RBMS3: variants seen among roughly 807,000 people sequenced by gnomAD.
RBMS3 encodes RNA binding motif single stranded interacting protein 3, also known as RNA-binding motif, single-stranded-interacting protein 3.
In RBMS3, 27 loss-of-function variants were observed where a neutral mutation model predicts 66.8. That is an observed-to-expected ratio of 0.40 (90% CI 0.30 to 0.56). RBMS3 has a LOEUF of 0.56. RBMS3 is among the 20% of genes least tolerant of loss of function. RBMS3 has a pLI of 0.40. For missense variants in RBMS3, 513 were observed against 549.5 expected (o/e 0.93, Z 0.66); for synonymous variants, 188 against 183.0 (o/e 1.03, Z -0.22).
At chr3:29,635,339 C>T (rs891106562) in intron 4 of RBMS3, among the ~76,000 whole-genome samples, 1 of 151,896 alleles carries the variant, frequency 6.6e-6, no homozygotes, top group African/African-American at 2.4e-5. Context: ...CCTTCCCCAT[C>T]TCAGTTGATG....
intron 14 of RBMS3, among the ~76,000 whole-genome samples, chr3:30,000,163 T>A (rs1699521001): frequency 6.6e-6 from 1 of 151,838 alleles, no homozygotes; most frequent in African/African-American, 2.4e-5. Flanking sequence ...AGGTCTAATA[T>A]CCAGAATCTA....
chr3:29,822,604 G>A (rs1418825801), intron 6 of RBMS3, among the ~76,000 whole-genome samples: 3 of 152,108 alleles, frequency 2.0e-5, no homozygotes, highest in Non-Finnish European at 2.9e-5. Flanking sequence ...ATATTTCAAT[G>A]TATCCAATGA....
intron 12 of RBMS3, among the ~76,000 whole-genome samples, chr3:29,952,120 A>G (rs1206333540): frequency 2.0e-5 from 3 of 151,860 alleles, no homozygotes; most frequent in Non-Finnish European, 4.4e-5. Flanking sequence ...GATGATGATA[A>G]TGAGTGTGGT....
Position 29,508,128 on chromosome 3 carries a change from G to A in RBMS3, c.307+19629G>A, listed in dbSNP as rs555248219. On this transcript the variant is annotated intron_variant, in intron 3 of 14. Coordinates refer to ENST00000383767, the MANE Select transcript of RBMS3 (RefSeq NM_001003793.3). ...ATAATATAAGGCCTCTCGTCATCTG[G>A]CTTGTTCTCTCCTCTCTAACACCAG... Among the ~76,000 whole-genome samples, 4 of 152,120 alleles carry A rather than the reference G, an allele frequency of 2.6e-5. No homozygotes were observed. In the East Asian group the frequency reaches 7.7e-4, roughly 29 times the overall value.
At chr3:29,632,720 C>T (rs952403994) in intron 4 of RBMS3, among the ~76,000 whole-genome samples, 1 of 151,748 alleles carries the variant, frequency 6.6e-6, no homozygotes, top group Non-Finnish European at 1.5e-5. Flanking sequence ...AAGGTAACTT[C>T]TTTGAACGAG....
At chr3:29,685,122 G>C (rs796099356) in intron 4 of RBMS3, among the ~76,000 whole-genome samples, 1 of 151,996 alleles carries the variant, frequency 6.6e-6, no homozygotes, top group African/African-American at 2.4e-5. Context: ...GCAGTGGCGC[G>C]ATCTCGGCTC....
chr3:29,802,420 A>C (rs2057419121), intron 6 of RBMS3, among the ~76,000 whole-genome samples: 1 of 152,192 alleles, frequency 6.6e-6, no homozygotes, highest in Non-Finnish European at 1.5e-5. Context: ...ACATAACCCC[A>C]GTTCTCACAG....
intron 6 of RBMS3, among the ~76,000 whole-genome samples, chr3:29,794,217 T>G (rs2149431903): frequency 6.6e-6 from 1 of 152,280 alleles, no homozygotes; most frequent in South Asian, 2.1e-4. Context: ...GACCCTGAGA[T>G]TTTGCTGATG....
intron 12 of RBMS3, among the ~76,000 whole-genome samples, chr3:29,959,768 A>G (rs1696296685): frequency 6.6e-6 from 1 of 152,102 alleles, no homozygotes; most frequent in Non-Finnish European, 1.5e-5. Flanking sequence ...AGCAGCAAGG[A>G]GAAGTGCCAA....
chr3:29,980,051 A>C (rs565999916), intron 12 of RBMS3, among the ~76,000 whole-genome samples: 75 of 152,318 alleles, frequency 4.9e-4, no homozygotes, highest in Admixed American at 3.3e-4. Context: ...CACTTCCATC[A>C]ACAGTGTAAA....
chr3:29,992,451 G>T (rs937210131), intron 14 of RBMS3, among the ~76,000 whole-genome samples: 1 of 152,134 alleles, frequency 6.6e-6, no homozygotes, highest in African/African-American at 2.4e-5. Context: ...GCTGGGCATG[G>T]TGGCGGGTGC....
At chr3:29,887,983 G>A (rs1167957019) in intron 8 of RBMS3, among the ~76,000 whole-genome samples, 1 of 151,792 alleles carries the variant, frequency 6.6e-6, no homozygotes, top group East Asian at 1.9e-4. Context: ...AGTGAGGACA[G>A]CCTAGAACAC....
chr3:29,992,492 G>T (rs9790009), intron 14 of RBMS3, among the ~76,000 whole-genome samples: 44,927 of 151,950 alleles, frequency 0.3, 7,368 homozygotes, highest in African/African-American at 0.42. Context: ...GGGTCGGGGT[G>T]GGGGGCTGAG....
chr3:29,646,536 G>A (rs181672490), intron 4 of RBMS3, among the ~76,000 whole-genome samples: 113 of 152,068 alleles, frequency 7.4e-4, no homozygotes, highest in Middle Eastern at 3.4e-3. Context: ...TTTCACTACC[G>A]TTAATATGTT....
In RBMS3 at chr3:29,881,779, G is replaced by T. The variant is rs115799019; in HGVS notation, c.745-2383G>T. On this transcript the variant is annotated intron_variant, in intron 7 of 14. Transcript: ENST00000383767. ...AAATGCAAGAAAAAATTCTTAAGTG[G>T]CCAGAACAAACAAGCATGGCATAAA... is the stretch of plus-strand genomic sequence containing the variant. Among the ~76,000 whole-genome samples, 806 of 152,188 alleles carry T rather than the reference G, an allele frequency of 5.3e-3. 3 individuals carry two copies. The highest frequency in any genetic ancestry group is 0.018 in the African/African-American group (764 of 41,528).
intron 3 of RBMS3, among the ~76,000 whole-genome samples, chr3:29,539,595 C>A (rs1023632330): frequency 1.5e-4 from 23 of 152,158 alleles, no homozygotes; most frequent in South Asian, 6.2e-4. Context: ...ATCTGGTCAT[C>A]CAGGTATCAA....
intron 1 of RBMS3, among the ~76,000 whole-genome samples, chr3:29,339,086 C>G (rs368176256): frequency 1.4e-4 from 21 of 152,258 alleles, no homozygotes; most frequent in African/African-American, 4.1e-4. Flanking sequence ...CCTCTCACCC[C>G]CACCTGTGGT....
intron 1 of RBMS3, among the ~76,000 whole-genome samples, chr3:29,392,882 A>G (rs1471638540): frequency 6.6e-6 from 1 of 151,296 alleles, no homozygotes; most frequent in African/African-American, 2.4e-5. Flanking sequence ...GCCACATTAT[A>G]AGATGGCATA....
chr3:29,761,021 A>G (rs1385621576), intron 5 of RBMS3, among the ~76,000 whole-genome samples: 1 of 152,050 alleles, frequency 6.6e-6, no homozygotes, highest in Non-Finnish European at 1.5e-5. Context: ...TTAGTTTCCT[A>G]CACTCTCTTG....
Sources: gnomAD v4.1 joint callset for allele counts (sites outside exome capture counted in the v4.1 genomes callset) on GRCh38, gnomAD v4.1.1 for gene constraint, MANE v1.5 for transcripts, NCBI Gene and HGNC (gene_info 2026-07-23, HGNC 2026-07-21) for gene names.